The following ITGB6 variants were observed in gnomAD, a reference collection of about 807,000 sequenced individuals.
ITGB6 encodes integrin subunit beta 6.
A neutral mutation model predicts 84.5 loss-of-function variants in ITGB6; 80 were observed. That is an observed-to-expected ratio of 0.95 (90% confidence interval 0.79 to 1.14). ITGB6 has a LOEUF of 1.14. ITGB6 is among the 50% of genes most tolerant of loss of function. The pLI is 0.00. For missense variants in ITGB6, 1,006 were observed against 968.0 expected (o/e 1.04, Z -0.52); for synonymous variants, 383 against 354.9 (o/e 1.08, Z -0.89).
At position 160,151,070 on chromosome 2, in the gene ITGB6, G is replaced by A. The variant is rs147836303; in HGVS notation, c.1018-8999C>T. ...AGCTTAACAAGGATATCCAGGACCT[G>A]AACTCAGCTCTGCAACAAGCAGACC... On this transcript the variant is annotated intron_variant, in intron 7 of 14. Transcript: ENST00000283249. 3.1e-3 allele frequency among the ~76,000 whole-genome samples: 474 copies of A among 152,240 alleles called. 4 individuals are homozygous for A. The highest frequency in any genetic ancestry group is 0.011 in the African/African-American group (463 of 41,542).
chr2:160,196,458 A>G (rs2105898994), intron 2 of ITGB6, 38 bp from the exon 3 acceptor site: 2 of 1,530,996 alleles, frequency 1.3e-6, no homozygotes, highest in South Asian at 1.2e-5. Flanking sequence ...CAGAAAAAGA[A>G]AACAAATCTG....
chr2:160,138,414 C>G (rs570588032), intron 8 of ITGB6, among the ~76,000 whole-genome samples: 6 of 152,184 alleles, frequency 3.9e-5, no homozygotes, highest in Non-Finnish European at 7.3e-5. Context: ...TTATAAGATA[C>G]ACCATTATCT....
chr2:160,112,310 G>A, intron 12 of ITGB6, 111 bp from the exon 13 acceptor site: 1 of 1,032,928 alleles, frequency 9.7e-7, no homozygotes. Context: ...CAATATTGCA[G>A]AATGAGAATA....
intron 4 of ITGB6, among the ~76,000 whole-genome samples, chr2:160,176,509 A>G (rs1034993068): frequency 6.6e-6 from 1 of 152,158 alleles, no homozygotes; most frequent in Non-Finnish European, 1.5e-5. Context: ...TCTTATTTTT[A>G]ATATTGTTCA....
chr2:160,107,676 T>A lies in ITGB6; in HGVS notation c.2268+3A>T. 6.2e-7 allele frequency: 1 copy of A among 1,613,864 alleles called. No individual in the cohort carries two copies. The highest frequency in any genetic ancestry group is 8.5e-7 in the Non-Finnish European group (1 of 1,179,790). On this transcript the variant is annotated splice_donor_region_variant and intron_variant, in intron 14 of 14. Transcript: ENST00000283249. ...CAAGGAGTAGCCCTAAGTTTCCACA[T>A]ACCGTTTGCCACTTGGCTTTTGATC... is the stretch of plus-strand genomic sequence containing the variant.
intron 4 of ITGB6, among the ~76,000 whole-genome samples, chr2:160,177,742 C>G (rs1024776581): frequency 1.3e-5 from 2 of 151,998 alleles, no homozygotes; most frequent in Non-Finnish European, 2.9e-5. Context: ...AAGAAAGGAG[C>G]CTGATTTTTT....
At chr2:160,175,986 T>A (rs1210009376) in intron 4 of ITGB6, among the ~76,000 whole-genome samples, 1 of 152,194 alleles carries the variant, frequency 6.6e-6, no homozygotes, top group African/African-American at 2.4e-5. Flanking sequence ...TCACACTGAG[T>A]AAGGATGCTC....
At chr2:160,174,483 G>A (rs1009218167) in intron 4 of ITGB6, among the ~76,000 whole-genome samples, 7 of 152,022 alleles carry the variant, frequency 4.6e-5, no homozygotes, top group African/African-American at 1.7e-4. Context: ...TTAATACAAC[G>A]ACAATTCCTT....
At chr2:160,111,136 GA>G (rs10710243) in intron 13 of ITGB6, among the ~76,000 whole-genome samples, 83,240 of 148,944 alleles carry the variant, frequency 0.56, 24,714 homozygotes, top group Admixed American at 0.68. Flanking sequence ...ATGTTTCACT[GA>G]AAAAAAAAAA....
At chr2:160,128,613 G>A (rs545044837) in intron 10 of ITGB6, among the ~76,000 whole-genome samples, 15 of 152,268 alleles carry the variant, frequency 9.9e-5, no homozygotes, top group African/African-American at 3.4e-4. Context: ...ATATATTCGG[G>A]AATGGAATGC....
At chr2:160,104,973 T>C (rs1437652409) in intron 14 of ITGB6, among the ~76,000 whole-genome samples, 1 of 152,208 alleles carries the variant, frequency 6.6e-6, no homozygotes, top group Admixed American at 6.5e-5. Context: ...TGGAGGGCAC[T>C]GGGTTTCAAA....
intron 12 of ITGB6, among the ~76,000 whole-genome samples, chr2:160,115,682 GAGA>G (rs1682734908): frequency 6.6e-6 from 1 of 152,206 alleles, no homozygotes; most frequent in African/African-American, 2.4e-5. Flanking sequence ...GATGAATTGA[GAGA>G]AGAAGGCTCC....
intron 4 of ITGB6, among the ~76,000 whole-genome samples, chr2:160,183,057 G>A (rs1301416520): frequency 3.9e-5 from 6 of 152,172 alleles, no homozygotes; most frequent in East Asian, 1.9e-4. Context: ...TGTAAAGACC[G>A]TCGACACTAT....
chr2:160,189,914 T>C (rs1481364242), intron 4 of ITGB6, among the ~76,000 whole-genome samples: 2 of 152,180 alleles, frequency 1.3e-5, no homozygotes, highest in East Asian at 1.9e-4. Context: ...CATATGTTTA[T>C]TGCGGCACTA....
intron 7 of ITGB6, among the ~76,000 whole-genome samples, chr2:160,149,978 T>C (rs1452645843): frequency 6.6e-6 from 1 of 152,188 alleles, no homozygotes; most frequent in African/African-American, 2.4e-5. Context: ...AATCTATGTC[T>C]GATTGGTGTA....
chr2:160,176,667 C>G (rs1357020196), intron 4 of ITGB6, among the ~76,000 whole-genome samples: 1 of 152,176 alleles, frequency 6.6e-6, no homozygotes, highest in Non-Finnish European at 1.5e-5. Context: ...ATTGTCATTT[C>G]TTACATAAAT....
chr2:160,170,571 C>T (rs569271399), intron 6 of ITGB6, among the ~76,000 whole-genome samples: 61 of 152,250 alleles, frequency 4.0e-4, no homozygotes, highest in Non-Finnish European at 6.8e-4. Context: ...CGAAGGTGAG[C>T]GAAGCTGGTT....
intron 4 of ITGB6, among the ~76,000 whole-genome samples, chr2:160,176,990 A>T (rs1361890696): frequency 6.6e-6 from 1 of 152,032 alleles, no homozygotes; most frequent in Non-Finnish European, 1.5e-5. Flanking sequence ...AAATTTTTTG[A>T]TTGTGAATTG....
intron 4 of ITGB6, among the ~76,000 whole-genome samples, chr2:160,176,918 A>T (rs1465077310): frequency 1.3e-5 from 2 of 152,186 alleles, no homozygotes; most frequent in African/African-American, 4.8e-5. Flanking sequence ...TTTTGTAATT[A>T]AATAATATAG....
Sources: allele counts gnomAD v4.1 joint callset (sites outside exome capture counted in the v4.1 genomes callset), GRCh38; gene constraint gnomAD v4.1.1; transcripts MANE v1.5; gene names NCBI Gene and HGNC (gene_info 2026-07-23, HGNC 2026-07-21).